TP53BP1: variants seen among roughly 807,000 people sequenced by gnomAD.
The protein encoded by TP53BP1 is tumor protein p53 binding protein 1.
Under a neutral mutation model 200.8 loss-of-function variants are expected in TP53BP1, and 61 were observed. That is an observed-to-expected ratio of 0.30 (90% CI 0.25 to 0.38). TP53BP1 has a LOEUF of 0.38. Among genes scored for constraint, TP53BP1 ranks in the 10% least tolerant of loss-of-function variants. TP53BP1 has a pLI of 1.00. For synonymous variants in TP53BP1, 822 were observed against 844.3 expected, an observed-to-expected ratio of 0.97 and a Z score of 0.46; for missense variants, 2,144 against 2,371.9, an observed-to-expected ratio of 0.90 and a Z score of 2.00.
At position 43,468,868 on chromosome 15, in the gene TP53BP1, C is replaced by T. The variant is rs78745729; in HGVS notation, c.1389+990G>A. Among the ~76,000 whole-genome samples, 1,480 of 152,216 alleles carry T rather than the reference C, an allele frequency of 9.7e-3. 26 individuals are homozygous for T. Among genetic ancestry groups the T allele is most frequent in the African/African-American group, 0.034 (1,398 of 41,510 alleles). On this transcript the variant is annotated intron_variant, in intron 11 of 27. Transcript: ENST00000382044. Reference sequence around the variant, plus strand: ...ACTCTAGAGTCCTCATTTTTAATAACGCTACCAAATTCTAATGAACTGCAT... The same window carrying T: ...ACTCTAGAGTCCTCATTTTTAATAATGCTACCAAATTCTAATGAACTGCAT...
At chr15:43,465,425 T>C (rs983354831) in intron 11 of TP53BP1, among the ~76,000 whole-genome samples, 1 of 151,988 alleles carries the variant, frequency 6.6e-6, no homozygotes, top group African/African-American at 2.4e-5. Context: ...TTTTTAATGA[T>C]TGAAGAAATC....
At chr15:43,471,197 T>C (rs965601929) in intron 10 of TP53BP1, among the ~76,000 whole-genome samples, 1 of 144,338 alleles carries the variant, frequency 6.9e-6, no homozygotes, top group African/African-American at 2.9e-5. Flanking sequence ...AAATCTAAAA[T>C]ATAACTGACA....
chr15:43,432,121 C>T, intron 17 of TP53BP1, 73 bp downstream of exon 17: 1 of 1,540,196 alleles, frequency 6.5e-7, no homozygotes. Flanking sequence ...GCAGACATGC[C>T]ACAACTTAAA....
At chr15:43,509,196 G>A (rs1455681085) in intron 1 of TP53BP1, among the ~76,000 whole-genome samples, 1 of 100,574 alleles carries the variant, frequency 9.9e-6, no homozygotes, top group Non-Finnish European at 2.0e-5. Context: ...AACGGGGGGG[G>A]GGGGGGCAGA....
chr15:43,417,906 G>C (rs1216813453), intron 21 of TP53BP1, among the ~76,000 whole-genome samples: 1 of 152,190 alleles, frequency 6.6e-6, no homozygotes, highest in Non-Finnish European at 1.5e-5. Context: ...CCAGCCGGGA[G>C]CAGTGGCTCA....
intron 10 of TP53BP1, among the ~76,000 whole-genome samples, chr15:43,472,106 T>TGAAA (rs1289531815): frequency 2.6e-5 from 4 of 152,242 alleles, no homozygotes; most frequent in Non-Finnish European, 5.9e-5. Context: ...ACATGACAGA[T>TGAAA]GAAGGCACAG....
In TP53BP1 at chr15:43,406,695, GACAATAATA is replaced by G; in HGVS notation, c.*679_*687del. ...GGAAGGAACTGCTTCCAGCTATTGT[GACAATAATA>G]ATAATAATAATATTGGGTCTTTGAC... is the stretch of plus-strand genomic sequence containing the variant. On this transcript the variant is annotated 3_prime_UTR_variant, in exon 28 of 28. Transcript: ENST00000382044. 1 of 437,570 alleles carries G rather than the reference GACAATAATA, an allele frequency of 2.3e-6. No homozygotes were observed. 27.1% of individuals were successfully genotyped at this position (437,570 alleles called of 1,614,324 possible). A position where few individuals can be genotyped will look rare whatever the true frequency, so the allele number is the denominator to read the frequency against.
chr15:43,457,530 G>C (rs1367052079), intron 11 of TP53BP1, among the ~76,000 whole-genome samples: 3 of 151,768 alleles, frequency 2.0e-5, no homozygotes, highest in Non-Finnish European at 4.4e-5. Flanking sequence ...AAATCAGCCA[G>C]GCGTGGTGGT....
Position 43,469,948 on chromosome 15 carries a change from T to C in TP53BP1, c.1299A>G (p.Val433=), listed in dbSNP as rs755919675. Residue 433 remains valine (V), a synonymous_variant, in exon 11 of 28, where the codon GTA becomes GTG. Transcript: ENST00000382044. The stretch of plus-strand genomic sequence containing the variant: ...ATATTGGTGTTGAGGCTTGTGGTGA[T>C]ACAGTGGACTCAGGCAGGAGAGGGG... ...ENPPLLPEST[V]SPQASTPISQ... 4 of 1,614,066 alleles carry C rather than the reference T, an allele frequency of 2.5e-6. No homozygotes were observed. The highest frequency in any genetic ancestry group is 2.2e-5 in the South Asian group (2 of 91,082).
rs1457875848 is a variant in TP53BP1, at chr15:43,420,636, G to A, written c.4350C>T (p.Asp1450=). The change falls in exon 21 of 28, where the codon GAC becomes GAT. Residue 1450 remains aspartate, a synonymous_variant. Transcript: ENST00000382044. ...SFSRVVPRVP[D]STRRTDVGAG... is the part of the protein sequence containing the mutation. ...CACCCACATCTGTTCGTCTGGTGGAGTCTGGCACTCGGGGCACGACACGGC... is the reference window on the plus strand; with the variant it reads ...CACCCACATCTGTTCGTCTGGTGGAATCTGGCACTCGGGGCACGACACGGC... The A allele has an allele frequency of 6.2e-7, 1 of 1,614,120 alleles. No homozygotes were observed. The highest frequency in any genetic ancestry group is 8.5e-7 in the Non-Finnish European group (1 of 1,180,062).
intron 27 of TP53BP1, 143 bp downstream of exon 27, chr15:43,407,800 C>G: frequency 1.1e-6 from 1 of 893,648 alleles, no homozygotes; most frequent in Non-Finnish European, 1.7e-6. Context: ...TGTTGACTCA[C>G]CTCTTGAAGG....
At chr15:43,481,289 G>A (rs2078961058) in intron 4 of TP53BP1, among the ~76,000 whole-genome samples, 1 of 152,024 alleles carries the variant, frequency 6.6e-6, no homozygotes, top group Non-Finnish European at 1.5e-5. Flanking sequence ...TTGCATTCAG[G>A]AGAATTACTG....
At chr15:43,478,489 CA>C (rs1297102238) in intron 7 of TP53BP1, among the ~76,000 whole-genome samples, 11 of 152,182 alleles carry the variant, frequency 7.2e-5, no homozygotes, top group African/African-American at 2.7e-4. Context: ...AAGGAAATAA[CA>C]AAACAATACT....
chr15:43,494,149 A>G (rs1346661586), upstream of TP53BP1, among the ~76,000 whole-genome samples: 2 of 152,226 alleles, frequency 1.3e-5, no homozygotes, highest in African/African-American at 4.8e-5. Flanking sequence ...AATTCTAGCC[A>G]GAGCAGCTGT....
chr15:43,446,756 G>T, intron 13 of TP53BP1, 166 bp from the exon 14 acceptor site: 1 of 1,511,360 alleles, frequency 6.6e-7, no homozygotes, highest in Non-Finnish European at 8.8e-7. Context: ...CTACGAACTA[G>T]TATTGACACC....
At chr15:43,408,321 C>T (rs2044988371) in intron 26 of TP53BP1, 1 of 419,860 alleles carries the variant, frequency 2.4e-6, no homozygotes, top group Non-Finnish European at 4.3e-6. Context: ...CTACAAAAGA[C>T]AACAAAAAAA....
intron 18 of TP53BP1, among the ~76,000 whole-genome samples, chr15:43,426,869 T>A (rs752318896): frequency 6.8e-6 from 1 of 147,648 alleles, no homozygotes; most frequent in Non-Finnish European, 1.5e-5. Flanking sequence ...AAAAAAAAAA[T>A]TAGCCAGGCA....
intron 24 of TP53BP1, among the ~76,000 whole-genome samples, chr15:43,411,037 A>G (rs964806385): frequency 6.6e-6 from 1 of 152,172 alleles, no homozygotes; most frequent in Non-Finnish European, 1.5e-5. Context: ...CAGCACCAAG[A>G]TTCTACTGCT....
chr15:43,465,934 C>A (rs547583910), intron 11 of TP53BP1, among the ~76,000 whole-genome samples: 2 of 152,168 alleles, frequency 1.3e-5, no homozygotes, highest in Non-Finnish European at 2.9e-5. Flanking sequence ...AGATTACAGG[C>A]ATGAGCCACC....
Sources: gnomAD v4.1 joint callset for allele counts (sites outside exome capture counted in the v4.1 genomes callset) on GRCh38, gnomAD v4.1.1 for gene constraint, MANE v1.5 for transcripts, NCBI Gene and HGNC (gene_info 2026-07-23, HGNC 2026-07-21) for gene names.